The following NPY2R variants were observed in gnomAD, a reference collection of about 807,000 sequenced individuals.
NPY2R encodes the protein neuropeptide Y receptor Y2.
NPY2R carries 17 observed loss-of-function variants against 22.3 expected under a neutral mutation model. The ratio of observed to expected loss-of-function variants is 0.76; its 90% CI spans 0.52 to 1.14. The LOEUF is 1.14. Ranked by LOEUF, NPY2R falls within the 50% of genes most tolerant of loss-of-function variation. The pLI is 0.00. For missense variants in NPY2R, 424 were observed against 467.9 expected, an observed-to-expected ratio of 0.91 and a Z score of 0.87; for synonymous variants, 209 against 183.4, an observed-to-expected ratio of 1.14 and a Z score of -1.13.
chr4:155,203,330 G>T, the NPY2R span, among the ~76,000 whole-genome samples: 1 of 152,110 alleles, frequency 6.6e-6, no homozygotes, highest in South Asian at 2.1e-4. Flanking sequence ...TATGAGATTT[G>T]TGAAGTTCAC....
the NPY2R span, among the ~76,000 whole-genome samples, chr4:155,202,042 T>G: frequency 6.6e-6 from 1 of 152,214 alleles, no homozygotes. Context: ...TTGAGAATAA[T>G]GTCTTTAACT....
chr4:155,204,527 G>T (rs1729246028), upstream of NPY2R, among the ~76,000 whole-genome samples: 1 of 152,134 alleles, frequency 6.6e-6, no homozygotes, highest in Non-Finnish European at 1.5e-5. Context: ...CTGGATTTAT[G>T]TGAAAGAAAT....
chr4:155,184,609 A>T, the NPY2R span, among the ~76,000 whole-genome samples: 1 of 152,174 alleles, frequency 6.6e-6, no homozygotes, highest in South Asian at 2.1e-4. Flanking sequence ...GCCATAAAAA[A>T]GGTCTGAGAC....
At chr4:155,189,825 C>T in the NPY2R span, among the ~76,000 whole-genome samples, 1 of 151,848 alleles carries the variant, frequency 6.6e-6, no homozygotes, top group Non-Finnish European at 1.5e-5. Flanking sequence ...TATAGGAATT[C>T]TTCAGTAATT....
the NPY2R span, among the ~76,000 whole-genome samples, chr4:155,198,949 T>C: frequency 1.3e-5 from 2 of 151,946 alleles, no homozygotes; most frequent in African/African-American, 2.4e-5. Flanking sequence ...AAACCTTGCA[T>C]TGTGTTCTTG....
At chr4:155,192,611 T>C in the NPY2R span, among the ~76,000 whole-genome samples, 4 of 152,126 alleles carry the variant, frequency 2.6e-5, no homozygotes, top group South Asian at 4.1e-4. Context: ...GTTTTAAAAT[T>C]TTCAAAATTA....
the NPY2R span, among the ~76,000 whole-genome samples, chr4:155,192,134 C>A: frequency 6.6e-6 from 1 of 151,680 alleles, no homozygotes; most frequent in Non-Finnish European, 1.5e-5. Context: ...CATGAAACTG[C>A]AAAATAATTC....
the NPY2R span, among the ~76,000 whole-genome samples, chr4:155,196,406 G>A: frequency 1.9e-4 from 29 of 151,970 alleles, no homozygotes; most frequent in African/African-American, 7.0e-4. Context: ...TGAAGAGAAT[G>A]GCCAAATGCT....
Position 155,215,734 on chromosome 4 carries a change from A to T in NPY2R, c.*649A>T, listed in dbSNP as rs1351480809. The T allele has an allele frequency of 1.2e-5, 2 of 167,312 alleles. No individual in the cohort carries two copies. Among genetic ancestry groups the T allele is most frequent in the Non-Finnish European group, 2.9e-5 (2 of 68,306 alleles). 10.4% of individuals were successfully genotyped at this position (167,312 alleles called of 1,614,324 possible). A position where few individuals can be genotyped will look rare whatever the true frequency, so the allele number is the denominator to read the frequency against. ...AGTGGGCCAATTGTTCTTAAAACCA[A>T]TTGCACGTTTGGTGAAAGTTTCTTC... On this transcript the variant is annotated 3_prime_UTR_variant, in exon 2 of 2. Transcript: ENST00000329476.
chr4:155,194,058 G>T, the NPY2R span, among the ~76,000 whole-genome samples: 1 of 151,714 alleles, frequency 6.6e-6, no homozygotes, highest in Non-Finnish European at 1.5e-5. Flanking sequence ...TGTTTCTCTA[G>T]GGAAGTGAGT....
At chr4:155,205,814 T>TATC (rs897390860), upstream of NPY2R, among the ~76,000 whole-genome samples, 3 of 149,646 alleles carry the variant, frequency 2.0e-5, no homozygotes, top group African/African-American at 7.6e-5. Flanking sequence ...GCTATCTATC[T>TATC]ATCTATCTAT....
chr4:155,185,830 G>T, the NPY2R span, among the ~76,000 whole-genome samples: 1 of 152,036 alleles, frequency 6.6e-6, no homozygotes, highest in African/African-American at 2.4e-5. Context: ...AGTTTTTTAA[G>T]AAAGCATAAA....
rs768682152 is a variant in NPY2R at position 155,216,401 on chromosome 4, T to A, written c.*1316T>A. The A allele has an allele frequency of 1.2e-5, 2 of 166,940 alleles. No individual in the cohort carries two copies. Among genetic ancestry groups the A allele is most frequent in the Admixed American group, 6.5e-5 (1 of 15,280 alleles). The allele number at this position is 166,940 out of a possible 1,614,324, so 10.3% of individuals were successfully genotyped here. Reference sequence around the variant, plus strand: ...ACCAAAGATGCTTAAAAACCTTCTATGTTCATAAAAAATAACAACTGAGAT... The same window carrying A: ...ACCAAAGATGCTTAAAAACCTTCTAAGTTCATAAAAAATAACAACTGAGAT... On this transcript the variant is annotated 3_prime_UTR_variant, in exon 2 of 2. Transcript: ENST00000329476.
the NPY2R span, among the ~76,000 whole-genome samples, chr4:155,202,941 A>G: frequency 6.6e-6 from 1 of 152,150 alleles, no homozygotes; most frequent in Non-Finnish European, 1.5e-5. Context: ...ATTTGCATTG[A>G]TTAAATTCTG....
intron 1 of NPY2R, among the ~76,000 whole-genome samples, chr4:155,210,581 T>C (rs920878101): frequency 1.3e-5 from 2 of 152,108 alleles, no homozygotes; most frequent in African/African-American, 4.8e-5. Context: ...GGGGATATGG[T>C]GTGGGCTATC....
the NPY2R span, chr4:155,173,839 G>C: frequency 1.3e-5 from 2 of 152,078 alleles, no homozygotes; most frequent in African/African-American, 4.8e-5. Flanking sequence ...GTATCTTTTA[G>C]TTTTGATTAA....
chr4:155,184,741 G>C, the NPY2R span, among the ~76,000 whole-genome samples: 1 of 151,740 alleles, frequency 6.6e-6, no homozygotes, highest in African/African-American at 2.4e-5. Flanking sequence ...TGTGCTGCGC[G>C]ATAGCCTTTA....
upstream of NPY2R, among the ~76,000 whole-genome samples, chr4:155,205,841 C>CTATCTA (rs1329612119): frequency 2.0e-5 from 3 of 151,850 alleles, no homozygotes; most frequent in East Asian, 5.8e-4. Flanking sequence ...ATCTATCTAT[C>CTATCTA]TATCTATCTA....
the NPY2R span, among the ~76,000 whole-genome samples, chr4:155,191,717 C>A: frequency 6.6e-6 from 1 of 151,810 alleles, no homozygotes; most frequent in Non-Finnish European, 1.5e-5. Context: ...ATTAACCATG[C>A]ATTTTACTTT....
Sources: gnomAD v4.1 joint callset for allele counts (sites outside exome capture counted in the v4.1 genomes callset) on GRCh38, gnomAD v4.1.1 for gene constraint, MANE v1.5 for transcripts, NCBI Gene and HGNC (gene_info 2026-07-23, HGNC 2026-07-21) for gene names.